CEP68: variants seen among roughly 807,000 people sequenced by gnomAD.
The protein encoded by CEP68 is centrosomal protein of 68 kDa.
In CEP68, 26 loss-of-function variants were observed where a neutral mutation model predicts 55.3. That is an observed-to-expected ratio of 0.47 (90% CI 0.34 to 0.65). CEP68 has a LOEUF of 0.65. Ranked by LOEUF, CEP68 falls within the 30% of genes least tolerant of loss-of-function variation. The probability of loss-of-function intolerance (pLI) is 0.01; values close to 1 mark genes in which losing one functional copy is unlikely to be tolerated. For missense variants in CEP68, 957 were observed against 946.7 expected, an observed-to-expected ratio of 1.01 and a Z score of -0.14; for synonymous variants, 402 against 383.2, an observed-to-expected ratio of 1.05 and a Z score of -0.57.
At chr2:65,081,308 C>G (rs192076203) in intron 5 of CEP68, among the ~76,000 whole-genome samples, 90 of 152,252 alleles carry the variant, frequency 5.9e-4, no homozygotes, top group Admixed American at 1.4e-3. Context: ...CTGCCACACT[C>G]TGCCAACTCT....
In CEP68 at chr2:65,070,421, G is replaced by A. The variant is rs929951591; in HGVS notation, c.357+620G>A. ...CCCTCAGTATCATTGGGAGGTGACC[G>A]GAATGATCTGTTCTGCCCAGCTCTT... is the stretch of plus-strand genomic sequence containing the variant. On this transcript the variant is annotated intron_variant, in intron 2 of 6. Transcript: ENST00000377990. Among the ~76,000 whole-genome samples the A allele has an allele frequency of 3.3e-5, 5 of 151,866 alleles. No homozygotes were observed. In the East Asian group the frequency reaches 7.8e-4, roughly 24 times the overall value.
intron 2 of CEP68, 72 bp from the exon 3 acceptor site, chr2:65,071,382 T>C: frequency 7.7e-7 from 1 of 1,304,312 alleles, no homozygotes; most frequent in Non-Finnish European, 1.1e-6. Flanking sequence ...AGGAAACTCC[T>C]GGGTTGTCAT....
In CEP68 at chr2:65,071,958, C is replaced by T. The variant is rs746746289; in HGVS notation, c.862C>T (p.Arg288Cys). Residue 288 changes from arginine (R) to cysteine (C), a missense_variant, in exon 3 of 7, where the codon CGC becomes TGC. By Grantham distance (180) the Arg-to-Cys change is radical. Transcript: ENST00000377990. ...LPDSLPPSPD[R>C]HSPLWNPNKE... ...AGATTCCCTGCCTCCATCACCCGAC[C>T]GCCACTCCCCTCTCTGGAACCCAAA... The T allele has an allele frequency of 2.5e-6, 4 of 1,612,998 alleles. No individual in the cohort carries two copies. The highest frequency in any genetic ancestry group is 2.2e-5 in the South Asian group (2 of 91,082).
intron 3 of CEP68, 105 bp downstream of exon 3, chr2:65,073,085 T>C (rs773119750): frequency 8.2e-7 from 1 of 1,220,496 alleles, no homozygotes; most frequent in Non-Finnish European, 1.2e-6. Context: ...AGGCACTTTT[T>C]ATGTGCCAGG....
At chr2:65,063,577 C>T (rs1050701231) in intron 1 of CEP68, among the ~76,000 whole-genome samples, 5 of 152,212 alleles carry the variant, frequency 3.3e-5, no homozygotes, top group Admixed American at 6.5e-5. Context: ...TAAGCTGCCT[C>T]TTATTAGAAG....
chr2:65,074,401 C>T lies in CEP68; in HGVS notation c.2004C>T (p.Tyr668=), dbSNP rs1283413155. ...LTSLKSSLQL[Y]RQFKKDIDEH... is the part of the protein sequence containing the mutation. ...GTCTCAAGTCTTCTCTGCAGCTTTA[C>T]CGGGTAATATGCGGTCCTGGCTCTG... is the stretch of plus-strand genomic sequence containing the variant. Residue 668 remains tyrosine, a synonymous_variant, in exon 4 of 7, where the codon TAC becomes TAT. Coordinates refer to ENST00000377990, the MANE Select transcript of CEP68 (RefSeq NM_015147.3). 6 of 1,614,090 alleles carry T rather than the reference C, an allele frequency of 3.7e-6. No individual in the cohort carries two copies. The highest frequency in any genetic ancestry group is 2.2e-5 in the East Asian group (1 of 44,882).
chr2:65,080,329 T>C lies in CEP68; in HGVS notation c.2105-2207T>C, dbSNP rs563866625. 3.0e-6 allele frequency: 3 copies of C among 985,284 alleles called. No homozygotes were observed. The East Asian group carries it at 3.4e-4, about 112-fold the overall frequency. The allele number at this position is 985,284 out of a possible 1,614,324, so 61.0% of individuals were successfully genotyped here. On this transcript the variant is annotated intron_variant, in intron 5 of 6. Transcript: ENST00000377990. ...ACACAGCCCTTCCCCATCCATCTGC[T>C]TGAAATAATCAGGAATGTGGCTGTT...
At chr2:65,074,177 A>G (rs1476319413) in intron 3 of CEP68, 105 bp from the exon 4 acceptor site, 5 of 1,355,116 alleles carry the variant, frequency 3.7e-6, no homozygotes, top group Non-Finnish European at 2.0e-6. Context: ...AGGAAACTGA[A>G]GGTGCACAGT....
In CEP68 at chr2:65,071,639, G is replaced by A; in HGVS notation, c.543G>A (p.Trp181Ter). 1 of 1,614,182 alleles carries A rather than the reference G, an allele frequency of 6.2e-7. No individual in the cohort carries two copies. Among genetic ancestry groups the A allele is most frequent in the Non-Finnish European group, 8.5e-7 (1 of 1,180,036 alleles). ...CAGGTCTCTCTTGCCTGTCACAGTG[G>A]AAGTCCGTGCTGAGCCCAGGTTCCG... ...HSSGLSCLSQ[W>*]KSVLSPGSAA... Residue 181 changes from tryptophan to a stop codon, truncating the protein, a stop_gained, in exon 3 of 7, where the codon TGG becomes TGA. Transcript: ENST00000377990. LOFTEE classifies it high-confidence loss of function.
At chr2:65,075,911 G>A (rs1676736111) in intron 4 of CEP68, among the ~76,000 whole-genome samples, 1 of 152,070 alleles carries the variant, frequency 6.6e-6, no homozygotes, top group African/African-American at 2.4e-5. Flanking sequence ...CCGTACTCCA[G>A]CTAGAGGAAG....
chr2:65,071,533 G>A lies in CEP68; in HGVS notation c.437G>A (p.Gly146Glu), dbSNP rs200546905. 441 of 1,614,032 alleles carry A rather than the reference G, an allele frequency of 2.7e-4. No homozygotes were observed. Among genetic ancestry groups the A allele is most frequent in the Non-Finnish European group, 3.5e-4 (413 of 1,180,024 alleles). Residue 146 changes from glycine to glutamate, a missense_variant, in exon 3 of 7, where the codon GGA becomes GAA. Transcript: ENST00000377990. ...CCCAGAACAACAACTATTTGCTCAG[G>A]ACATGATGCTGATACCGAAGATGAT... The part of the protein sequence containing the change: ...SLPRTTTICS[G>E]HDADTEDDPS...
At position 65,071,872 on chromosome 2, in the gene CEP68, C is replaced by A. The variant is rs1314781218; in HGVS notation, c.776C>A (p.Ala259Asp). Residue 259 changes from alanine (A) to aspartate (D), a missense_variant, in exon 3 of 7, where the codon GCT (alanine) becomes GAT (aspartate). By Grantham distance (126) the Ala-to-Asp change is moderately radical. Transcript: ENST00000377990. ...CAGCCTGTGTTCTCTGGGGGTGATG[C>A]TTCTGGGCTAGGCAGGAGACGCCTC... The part of the protein sequence containing the change: ...SPQPVFSGGD[A>D]SGLGRRRLSF... 1 of 1,609,580 alleles carries A rather than the reference C, an allele frequency of 6.2e-7. No individual in the cohort carries two copies. Among genetic ancestry groups the A allele is most frequent in the South Asian group, 1.1e-5 (1 of 90,434 alleles).
At chr2:65,071,373 G>A in intron 2 of CEP68, 81 bp from the exon 3 acceptor site, 1 of 1,216,984 alleles carries the variant, frequency 8.2e-7, no homozygotes, top group East Asian at 2.3e-5. Context: ...AGACCCACAA[G>A]GAAACTCCTG....
intron 5 of CEP68, chr2:65,080,187 A>G (rs1676943308): frequency 3.1e-6 from 3 of 966,258 alleles, no homozygotes; most frequent in Non-Finnish European, 3.7e-6. Flanking sequence ...TCATTTTAAA[A>G]TCAATTTAAT....
Position 65,074,373 on chromosome 2 carries a change from C to A in CEP68, c.1976C>A (p.Thr659Lys), listed in dbSNP as rs1009226308. 7 of 1,614,074 alleles carry A rather than the reference C, an allele frequency of 4.3e-6. No homozygotes were observed. Among genetic ancestry groups the A allele is most frequent in the South Asian group, 2.2e-5 (2 of 91,086 alleles). Residue 659 changes from threonine (T) to lysine (K), a missense_variant, in exon 4 of 7, where the codon ACA becomes AAA. Thr to Lys is a moderately conservative substitution (Grantham distance 78, BLOSUM62 -1). Coordinates refer to ENST00000377990, the MANE Select transcript of CEP68 (RefSeq NM_015147.3). ...DHGTAARSNL[T>K]SLKSSLQLYR... ...GGGACTGCAGCCAGGTCCAATCTTA[C>A]AAGTCTCAAGTCTTCTCTGCAGCTT...
rs1045622333 is a variant in CEP68, at chr2:65,083,731, C to T, written c.*97C>T. 6.6e-6 allele frequency: 1 copy of T among 152,230 alleles called. No homozygotes were observed. 9.4% of individuals were successfully genotyped at this position (152,230 alleles called of 1,614,324 possible). A position where few individuals can be genotyped will look rare whatever the true frequency, so the allele number is the denominator to read the frequency against. On this transcript the variant is annotated 3_prime_UTR_variant, in exon 7 of 7. Coordinates refer to ENST00000377990, the MANE Select transcript of CEP68 (RefSeq NM_015147.3). ...AAGTCCTTGCAAGAGCCATTCAACA[C>T]TGAAGTCAAGGGGGAAACCTTCAAT...
At chr2:65,064,070 G>A (rs909118891) in intron 1 of CEP68, among the ~76,000 whole-genome samples, 5 of 152,144 alleles carry the variant, frequency 3.3e-5, no homozygotes, top group African/African-American at 4.8e-5. Flanking sequence ...CCTTCATTCC[G>A]TCTTTACAGA....
At position 65,060,604 on chromosome 2, in the gene CEP68, T is replaced by C. The variant is rs570368950; in HGVS notation, c.-47+4076T>C. ...TGAATAAAAATAAAAACTGTCAGTA[T>C]AGTAAAAGCAGTGGTCTGTGGAAAT... On this transcript the variant is annotated intron_variant, in intron 1 of 6. Coordinates refer to ENST00000377990, the MANE Select transcript of CEP68 (RefSeq NM_015147.3). Among the ~76,000 whole-genome samples the C allele has an allele frequency of 2.6e-5, 4 of 152,286 alleles. No homozygotes were observed. The South Asian group carries it at 8.3e-4, about 32-fold the overall frequency.
At chr2:65,070,192 C>T (rs1458081817) in intron 2 of CEP68, among the ~76,000 whole-genome samples, 1 of 152,084 alleles carries the variant, frequency 6.6e-6, no homozygotes, top group African/African-American at 2.4e-5. Flanking sequence ...GCTTTGGGCT[C>T]CTGGGGGCTC....
Sources: allele counts gnomAD v4.1 joint callset (sites outside exome capture counted in the v4.1 genomes callset), GRCh38; gene constraint gnomAD v4.1.1; transcripts MANE v1.5; gene names NCBI Gene and HGNC (gene_info 2026-07-23, HGNC 2026-07-21).